CSMD1: variants seen among roughly 807,000 people sequenced by gnomAD.
CSMD1 encodes CUB and Sushi multiple domains 1.
Under a neutral mutation model 417.5 loss-of-function variants are expected in CSMD1, and 213 were observed. That is an observed-to-expected ratio of 0.51 (90% CI 0.46 to 0.57). The LOEUF (loss-of-function observed/expected upper bound fraction) is 0.57. CSMD1 is among the 20% of genes least tolerant of loss of function. The pLI is 0.00. For synonymous variants in CSMD1, 2,862 were observed against 1,736.8 expected, an observed-to-expected ratio of 1.65 and a Z score of -16.11; for missense variants, 6,923 against 4,529.7, an observed-to-expected ratio of 1.53 and a Z score of -15.17.
chr8:3,812,005 C>A (rs1025712650), intron 5 of CSMD1, among the ~76,000 whole-genome samples: 2 of 151,744 alleles, frequency 1.3e-5, no homozygotes, highest in South Asian at 4.2e-4. Flanking sequence ...TAATTCAAAC[C>A]ATTTACTAAT....
rs148170268 is a variant in CSMD1, at chr8:4,274,574, T to C, written c.415+145379A>G. The stretch of plus-strand genomic sequence containing the variant: ...TTTATAGGGAAGGCCTTCTGTTCTT[T>C]AAATTATATCTATTCTATTAATAGA... On this transcript the variant is annotated intron_variant, in intron 3 of 69. Transcript: ENST00000635120. Among the ~76,000 whole-genome samples the C allele has an allele frequency of 4.9e-3, 744 of 152,270 alleles. 7 individuals are homozygous for C. Among genetic ancestry groups the C allele is most frequent in the African/African-American group, 0.017 (714 of 41,556 alleles).
intron 33 of CSMD1, among the ~76,000 whole-genome samples, chr8:3,197,505 A>T (rs6558728): frequency 0.21 from 29,995 of 140,710 alleles, 3,088 homozygotes; most frequent in South Asian, 0.32. Flanking sequence ...TCGCTCTGTC[A>T]CCCAGGCTGG....
At chr8:4,589,390 C>G (rs1024515681) in intron 2 of CSMD1, among the ~76,000 whole-genome samples, 1 of 152,056 alleles carries the variant, frequency 6.6e-6, no homozygotes, top group Non-Finnish European at 1.5e-5. Context: ...GACTCTGAAC[C>G]AAAAACCAAT....
Position 4,761,836 on chromosome 8 carries a change from C to CATCCATCCATCT in CSMD1, c.86-124279_86-124278insAGATGGATGGAT, listed in dbSNP as rs1554472546. 7.0e-4 allele frequency among the ~76,000 whole-genome samples: 83 copies of CATCCATCCATCT among 119,174 alleles called. 1 individual carries two copies. The highest frequency in any genetic ancestry group is 2.9e-3 in the African/African-American group (81 of 27,850). The allele number at this position is 119,174 out of a possible 152,430, so 78.2% of individuals were successfully genotyped here. A position where few individuals can be genotyped will look rare whatever the true frequency, so the allele number is the denominator to read the frequency against. On this transcript the variant is annotated intron_variant, in intron 1 of 69. Coordinates refer to ENST00000635120, the MANE Select transcript of CSMD1 (RefSeq NM_033225.6). ...AATAAAATAGCAAAATAGTACCATG[C>CATCCATCCATCT]ATCTATCTATCTATCTATCTATCTA...
intron 3 of CSMD1, among the ~76,000 whole-genome samples, chr8:4,138,369 T>C (rs1394959202): frequency 6.6e-6 from 1 of 152,120 alleles, no homozygotes; most frequent in Non-Finnish European, 1.5e-5. Flanking sequence ...GTCAGTGTTC[T>C]GATACCTGCT....
chr8:3,501,466 T>G lies in CSMD1; in HGVS notation c.1345-7740A>C, dbSNP rs1290301811. On this transcript the variant is annotated intron_variant, in intron 10 of 69. Transcript: ENST00000635120. ...AAAATATTTTATAATTTTCCAAGAT[T>G]TAGAACTGACAGCACAATATAAATC... 2.0e-5 allele frequency among the ~76,000 whole-genome samples: 3 copies of G among 152,178 alleles called. No individual in the cohort carries two copies. The East Asian group carries it at 5.8e-4, about 29-fold the overall frequency.
At position 3,284,321 on chromosome 8, in the gene CSMD1, C is replaced by G; in HGVS notation, c.3976G>C (p.Glu1326Gln). The G allele has an allele frequency of 6.2e-7, 1 of 1,613,818 alleles. No individual in the cohort carries two copies. Among genetic ancestry groups the G allele is most frequent in the Non-Finnish European group, 8.5e-7 (1 of 1,179,854 alleles). The stretch of plus-strand genomic sequence containing the variant: ...ACCTTGAGGATGTCGTGAGCCATCT[C>G]CGTGTCGAAAACAATGAAATGGAGG... ...ISLHFIVFDT[E>Q]MAHDILKVWD... is the part of the protein sequence containing the mutation. The change falls in exon 26 of 70, where the codon GAG becomes CAG. Residue 1326 changes from glutamate to glutamine, a missense_variant. By Grantham distance (29) the Glu-to-Gln change is conservative. Coordinates refer to ENST00000635120, the MANE Select transcript of CSMD1 (RefSeq NM_033225.6).
chr8:3,176,680 T>C (rs1820955399), intron 37 of CSMD1, among the ~76,000 whole-genome samples: 1 of 152,192 alleles, frequency 6.6e-6, no homozygotes, highest in African/African-American at 2.4e-5. Context: ...GTAAAAATAC[T>C]GAAGTATAAA....
At chr8:3,255,518 A>G (rs1433808909) in intron 26 of CSMD1, among the ~76,000 whole-genome samples, 4 of 152,200 alleles carry the variant, frequency 2.6e-5, no homozygotes, top group Non-Finnish European at 5.9e-5. Flanking sequence ...GGCTCCACCC[A>G]GTTCGAGCTT....
At chr8:3,868,331 A>G (rs542093310) in intron 5 of CSMD1, among the ~76,000 whole-genome samples, 1 of 151,966 alleles carries the variant, frequency 6.6e-6, no homozygotes, top group Admixed American at 6.6e-5. Flanking sequence ...GGAGACATTT[A>G]TTTTTTGCCT....
At chr8:4,958,524 T>C (rs1034049380) in intron 1 of CSMD1, among the ~76,000 whole-genome samples, 7 of 152,162 alleles carry the variant, frequency 4.6e-5, no homozygotes, top group Admixed American at 2.0e-4. Flanking sequence ...CAGCCAGAAA[T>C]ATTCCCACAG....
intron 3 of CSMD1, among the ~76,000 whole-genome samples, chr8:4,399,260 A>G (rs1319479194): frequency 6.6e-6 from 1 of 152,188 alleles, no homozygotes; most frequent in African/African-American, 2.4e-5. Context: ...TCCTCCCCAC[A>G]AAAACAGCAA....
intron 41 of CSMD1, among the ~76,000 whole-genome samples, chr8:3,121,572 G>A (rs1042229446): frequency 2.0e-5 from 3 of 152,156 alleles, no homozygotes; most frequent in South Asian, 2.1e-4. Flanking sequence ...GGATTATGTC[G>A]CTCATTACTA....
chr8:3,804,440 TC>T (rs1485359708), intron 5 of CSMD1, among the ~76,000 whole-genome samples: 2 of 152,174 alleles, frequency 1.3e-5, no homozygotes, highest in African/African-American at 4.8e-5. Context: ...ATACTATTTT[TC>T]TAAATTGACA....
At chr8:3,412,332 A>G (rs1812864445) in intron 12 of CSMD1, among the ~76,000 whole-genome samples, 1 of 151,640 alleles carries the variant, frequency 6.6e-6, no homozygotes, top group Non-Finnish European at 1.5e-5. Flanking sequence ...TAACCTAACC[A>G]CTTTCTAATC....
At chr8:3,774,886 T>C (rs893975755) in intron 5 of CSMD1, among the ~76,000 whole-genome samples, 1 of 152,118 alleles carries the variant, frequency 6.6e-6, no homozygotes, top group Non-Finnish European at 1.5e-5. Context: ...TGAGCCCATA[T>C]GTACACAATG....
At chr8:4,247,718 A>G (rs138751584) in intron 3 of CSMD1, among the ~76,000 whole-genome samples, 3 of 152,224 alleles carry the variant, frequency 2.0e-5, no homozygotes, top group Admixed American at 2.0e-4. Context: ...ACATACTATA[A>G]CGCCCTTTTG....
chr8:3,686,382 C>T (rs1432128604), intron 7 of CSMD1, among the ~76,000 whole-genome samples: 1 of 152,122 alleles, frequency 6.6e-6, no homozygotes, highest in Non-Finnish European at 1.5e-5. Context: ...GGTGCCGCCA[C>T]ACTGACGATG....
At chr8:4,176,299 T>A (rs554710651) in intron 3 of CSMD1, among the ~76,000 whole-genome samples, 6 of 152,114 alleles carry the variant, frequency 3.9e-5, no homozygotes, top group Non-Finnish European at 7.3e-5. Context: ...ATAGCAAGTG[T>A]CCATCTTATC....
Sources: gnomAD v4.1 joint callset for allele counts (sites outside exome capture counted in the v4.1 genomes callset) on GRCh38, gnomAD v4.1.1 for gene constraint, MANE v1.5 for transcripts, NCBI Gene and HGNC (gene_info 2026-07-23, HGNC 2026-07-21) for gene names.